Variants in POMK observed in about 807,000 individuals in gnomAD.
POMK encodes the protein protein O-mannose kinase, also known as Sugen kinase 196.
POMK carries 19 observed loss-of-function variants against 23.0 expected under a neutral mutation model. The observed-to-expected ratio is 0.83, with a 90% CI of 0.58 to 1.21. The LOEUF (loss-of-function observed/expected upper bound fraction) is 1.21. Ranked by LOEUF, POMK falls within the 50% of genes most tolerant of loss-of-function variation. POMK has a pLI of 0.00. For missense variants in POMK, 410 were observed against 431.3 expected (o/e 0.95, Z 0.44); for synonymous variants, 173 against 171.6 (o/e 1.01, Z -0.06).
At chr8:43,097,918 G>C (rs1001088722) in intron 2 of POMK, among the ~76,000 whole-genome samples, 2 of 152,092 alleles carry the variant, frequency 1.3e-5, no homozygotes, top group African/African-American at 4.8e-5. Context: ...GGAGAGACCT[G>C]GGCTGCAGTG....
At chr8:43,115,198 C>A (rs1434595335) in intron 4 of POMK, among the ~76,000 whole-genome samples, 1 of 152,210 alleles carries the variant, frequency 6.6e-6, no homozygotes, top group Non-Finnish European at 1.5e-5. Context: ...GTGTCCACTT[C>A]TTGGCCTCTT....
intron 4 of POMK, among the ~76,000 whole-genome samples, chr8:43,120,107 G>A (rs1005211479): frequency 6.6e-6 from 1 of 151,714 alleles, no homozygotes; most frequent in African/African-American, 2.4e-5. Flanking sequence ...TAAGGCATTA[G>A]CATATTTCCT....
chr8:43,113,525 A>G (rs1021911740), intron 4 of POMK, among the ~76,000 whole-genome samples: 1 of 152,032 alleles, frequency 6.6e-6, no homozygotes, highest in Non-Finnish European at 1.5e-5. Flanking sequence ...AATTTTTTCA[A>G]AGTTTTCAAC....
In POMK at chr8:43,103,789, G is replaced by A. The variant is rs763543073; in HGVS notation, c.241G>A (p.Val81Met). 3.7e-6 allele frequency: 6 copies of A among 1,614,266 alleles called. No individual in the cohort carries two copies. The South Asian group carries it at 6.6e-5, about 18-fold the overall frequency. ...WLSCEELRTE[V>M]RQLKRVGEGA... The stretch of plus-strand genomic sequence containing the variant: ...GTCCTGCGAGGAGCTGAGAACAGAA[G>A]TGAGACAGCTGAAGCGTGTTGGGGA... Residue 81 changes from valine (V) to methionine (M), a missense_variant, in exon 4 of 5, where the codon GTG becomes ATG. Val to Met is a conservative substitution (Grantham distance 21). Transcript: ENST00000331373.
chr8:43,103,866 GT>G (rs748059884), intron 4 of POMK, 36 bp downstream of exon 4: 1 of 1,603,186 alleles, frequency 6.2e-7, no homozygotes, highest in Admixed American at 1.7e-5. Flanking sequence ...CTGTCATCCT[GT>G]TATTTCGCTT....
At chr8:43,117,145 C>T (rs554993954) in intron 4 of POMK, among the ~76,000 whole-genome samples, 7 of 152,138 alleles carry the variant, frequency 4.6e-5, no homozygotes, top group East Asian at 1.9e-4. Flanking sequence ...AGGCAAGGAG[C>T]GGCCATTTAC....
chr8:43,119,993 G>C (rs1443651240), intron 4 of POMK, among the ~76,000 whole-genome samples: 1 of 143,494 alleles, frequency 7.0e-6, no homozygotes, highest in Non-Finnish European at 1.5e-5. Flanking sequence ...ATATTTTTGA[G>C]TTAAAAAATT....
At chr8:43,116,775 A>G (rs2130619566) in intron 4 of POMK, among the ~76,000 whole-genome samples, 2 of 152,330 alleles carry the variant, frequency 1.3e-5, no homozygotes, top group South Asian at 4.1e-4. Flanking sequence ...TAAGTATTAT[A>G]TACTGTATTC....
intron 1 of POMK, among the ~76,000 whole-genome samples, chr8:43,094,473 CAGG>C (rs1811292766): frequency 1.3e-5 from 2 of 152,172 alleles, no homozygotes; most frequent in South Asian, 4.1e-4. Flanking sequence ...TCATTGTTGC[CAGG>C]AGGTGTTAAG....
intron 4 of POMK, among the ~76,000 whole-genome samples, chr8:43,116,299 GTC>G (rs1259690880): frequency 1.3e-5 from 2 of 152,186 alleles, no homozygotes; most frequent in African/African-American, 2.4e-5. Context: ...CAGAGACAGA[GTC>G]TCTCTCTTTT....
chr8:43,116,851 A>G (rs1303541472), intron 4 of POMK, among the ~76,000 whole-genome samples: 1 of 152,238 alleles, frequency 6.6e-6, no homozygotes, highest in Non-Finnish European at 1.5e-5. Context: ...TGTGTGAGCA[A>G]TAAAGCATTT....
intron 4 of POMK, among the ~76,000 whole-genome samples, chr8:43,105,317 ATC>A (rs1354483361): frequency 6.6e-6 from 1 of 152,168 alleles, no homozygotes; most frequent in Non-Finnish European, 1.5e-5. Flanking sequence ...CCTTTAACAA[ATC>A]TCTGCCTATC....
intron 2 of POMK, among the ~76,000 whole-genome samples, chr8:43,101,259 CA>C (rs1326893795): frequency 1.3e-5 from 2 of 149,374 alleles, no homozygotes; most frequent in East Asian, 1.9e-4. Context: ...CCAGTCTCTA[CA>C]AAAAAAAATA....
At chr8:43,094,878 G>A (rs1351556760) in intron 1 of POMK, among the ~76,000 whole-genome samples, 1 of 152,080 alleles carries the variant, frequency 6.6e-6, no homozygotes, top group African/African-American at 2.4e-5. Context: ...TGCCCAACCT[G>A]CCCCACCATC....
At chr8:43,105,047 CAATT>C (rs1811518912) in intron 4 of POMK, among the ~76,000 whole-genome samples, 1 of 152,074 alleles carries the variant, frequency 6.6e-6, no homozygotes, top group Non-Finnish European at 1.5e-5. Flanking sequence ...TGATTTTTAA[CAATT>C]TATTTTTAAT....
chr8:43,110,807 G>A (rs1811638889), intron 4 of POMK, among the ~76,000 whole-genome samples: 2 of 152,112 alleles, frequency 1.3e-5, no homozygotes, highest in African/African-American at 4.8e-5. Flanking sequence ...CAAGCTACTC[G>A]GGAGGCTGAG....
chr8:43,106,927 G>C lies in POMK; in HGVS notation c.282+3097G>C, dbSNP rs990867149. Among the ~76,000 whole-genome samples, 12 of 152,164 alleles carry C rather than the reference G, an allele frequency of 7.9e-5. 1 individual carries two copies. Among genetic ancestry groups the C allele is most frequent in the African/African-American group, 2.2e-4 (9 of 41,422 alleles). On this transcript the variant is annotated intron_variant, in intron 4 of 4. Coordinates refer to ENST00000331373, the MANE Select transcript of POMK (RefSeq NM_032237.5). ...CACTCTAGCTTCTTCATGCTGACAG[G>C]GGGCATAGTTGGGGTCGGAGTTGAC...
At chr8:43,109,729 G>A (rs1241719625) in intron 4 of POMK, among the ~76,000 whole-genome samples, 1 of 151,858 alleles carries the variant, frequency 6.6e-6, no homozygotes, top group Non-Finnish European at 1.5e-5. Context: ...TTTTAGTAGA[G>A]ACAGGGTTTC....
rs749588884 is a variant in POMK, at chr8:43,122,836, C to CT, written c.1014dup (p.Arg339Ter). The stretch of plus-strand genomic sequence containing the variant: ...GACCTACCAGAAGGTCTTGGATACA[C>CT]TTAGAGATGCCATGATGTCTCAGGC... On this transcript the variant is annotated frameshift_variant, in exon 5 of 5. Transcript: ENST00000331373. LOFTEE classifies it high-confidence loss of function. 1.2e-6 allele frequency: 2 copies of CT among 1,613,550 alleles called. No homozygotes were observed. Among genetic ancestry groups the CT allele is most frequent in the Admixed American group, 1.7e-5 (1 of 59,974 alleles).
Sources: gnomAD v4.1 joint callset for allele counts (sites outside exome capture counted in the v4.1 genomes callset) on GRCh38, gnomAD v4.1.1 for gene constraint, MANE v1.5 for transcripts, NCBI Gene and HGNC (gene_info 2026-07-23, HGNC 2026-07-21) for gene names.